Variants in NKAIN2 observed in about 807,000 individuals in gnomAD.
The protein encoded by NKAIN2 is sodium/potassium transporting ATPase interacting 2.
A neutral mutation model predicts 32.6 loss-of-function variants in NKAIN2; 14 were observed. That is an observed-to-expected ratio of 0.43 (90% CI 0.28 to 0.67). NKAIN2 has a LOEUF of 0.67. Among genes scored for constraint, NKAIN2 ranks in the 30% least tolerant of loss-of-function variants. The pLI, the probability that NKAIN2 is intolerant of heterozygous loss-of-function variation, is 0.17. For synonymous variants in NKAIN2, 80 were observed against 87.2 expected (o/e 0.92, Z 0.46); for missense variants, 198 against 258.3 (o/e 0.77, Z 1.60).
intron 3 of NKAIN2, among the ~76,000 whole-genome samples, chr6:124,453,322 A>AACACACAC (rs766482280): frequency 0.022 from 1,420 of 63,852 alleles, 84 homozygotes; most frequent in African/African-American, 0.062. Context: ...CATGCATATA[A>AACACACAC]ACACACACAC....
intron 1 of NKAIN2, among the ~76,000 whole-genome samples, chr6:124,167,486 T>C (rs1264934816): frequency 1.3e-5 from 2 of 152,204 alleles, no homozygotes. Context: ...TGACTTCCTC[T>C]TTTCCTAATT....
At chr6:124,318,104 C>T (rs1797036251) in intron 2 of NKAIN2, among the ~76,000 whole-genome samples, 1 of 151,898 alleles carries the variant, frequency 6.6e-6, no homozygotes, top group Non-Finnish European at 1.5e-5. Context: ...CTGCTAAAGC[C>T]TCATGAAATA....
chr6:124,254,782 A>G (rs187320383), intron 1 of NKAIN2, among the ~76,000 whole-genome samples: 2 of 152,332 alleles, frequency 1.3e-5, no homozygotes, highest in African/African-American at 4.8e-5. Flanking sequence ...TTAAAACTAG[A>G]TAGTAAAATG....
In NKAIN2 at chr6:124,060,586, C is replaced by T. The variant is rs191861898; in HGVS notation, c.55-222419C>T. 1.3e-3 allele frequency among the ~76,000 whole-genome samples: 205 copies of T among 152,138 alleles called. 1 individual carries two copies. The highest frequency in any genetic ancestry group is 3.4e-3 in the Middle Eastern group (1 of 294). On this transcript the variant is annotated intron_variant, in intron 1 of 6. Coordinates refer to ENST00000368417, the MANE Select transcript of NKAIN2 (RefSeq NM_001040214.3). ...CCAGAAACAGAACTGGAACACCGTT[C>T]GCCAAAATGTAAGTTATGTCTGCCA...
chr6:123,849,827 A>T lies in NKAIN2; in HGVS notation c.54+45573A>T, dbSNP rs115544336. 5.0e-3 allele frequency among the ~76,000 whole-genome samples: 759 copies of T among 152,246 alleles called. 10 individuals are homozygous for T. Among genetic ancestry groups the T allele is most frequent in the African/African-American group, 0.016 (663 of 41,548 alleles). On this transcript the variant is annotated intron_variant, in intron 1 of 6. Transcript: ENST00000368417. ...CCTAATTCTTATAATACCTTATCTA[A>T]AATATTAAAAATAATGCTTTCATAA...
intron 3 of NKAIN2, among the ~76,000 whole-genome samples, chr6:124,493,830 C>A (rs1367304810): frequency 6.6e-6 from 1 of 151,268 alleles, no homozygotes; most frequent in East Asian, 2.0e-4. Context: ...AAACCCACAA[C>A]TCATGACTGG....
At chr6:124,389,741 G>C (rs1773062872) in intron 3 of NKAIN2, among the ~76,000 whole-genome samples, 1 of 151,124 alleles carries the variant, frequency 6.6e-6, no homozygotes, top group Admixed American at 6.6e-5. Context: ...GTGTGTGTGT[G>C]TGTGTGTGTG....
intron 3 of NKAIN2, among the ~76,000 whole-genome samples, chr6:124,406,270 T>C (rs1356786898): frequency 6.6e-6 from 1 of 152,140 alleles, no homozygotes; most frequent in African/African-American, 2.4e-5. Context: ...CAACCACTAA[T>C]CTTATTTATT....
intron 1 of NKAIN2, among the ~76,000 whole-genome samples, chr6:124,183,009 G>C (rs1207261122): frequency 1.3e-5 from 2 of 152,082 alleles, no homozygotes; most frequent in East Asian, 3.9e-4. Flanking sequence ...ATTTTTGTGA[G>C]ATGAGGAATT....
At chr6:123,820,569 C>T (rs933628860) in intron 1 of NKAIN2, among the ~76,000 whole-genome samples, 4 of 152,040 alleles carry the variant, frequency 2.6e-5, no homozygotes, top group Non-Finnish European at 5.9e-5. Flanking sequence ...TGCTGACCAT[C>T]CAGATGCTTT....
At chr6:124,646,165 T>C (rs917008072) in intron 3 of NKAIN2, among the ~76,000 whole-genome samples, 1 of 152,096 alleles carries the variant, frequency 6.6e-6, no homozygotes, top group Non-Finnish European at 1.5e-5. Flanking sequence ...GCAAAAGCAA[T>C]GTAGAAAATA....
chr6:124,658,620 A>T, intron 4 of NKAIN2: 2 of 1,031,184 alleles, frequency 1.9e-6, no homozygotes, highest in Non-Finnish European at 2.8e-6. Flanking sequence ...AGCATTTTAC[A>T]TAGGAAATCC....
At chr6:123,940,302 TTG>T (rs75849088) in intron 1 of NKAIN2, among the ~76,000 whole-genome samples, 6,783 of 149,316 alleles carry the variant, frequency 0.045, 204 homozygotes, top group Non-Finnish European at 0.067. Context: ...TGTGTTTGGT[TTG>T]TGTGTGTGTG....
In NKAIN2 at chr6:124,686,057, C is replaced by A. The variant is rs903267032; in HGVS notation, c.474+27671C>A. 1.2e-4 allele frequency among the ~76,000 whole-genome samples: 19 copies of A among 152,208 alleles called. No individual in the cohort carries two copies. The East Asian group carries it at 3.7e-3, about 29-fold the overall frequency. On this transcript the variant is annotated intron_variant, in intron 4 of 6. Transcript: ENST00000368417. ...CTGAGATTGTTGGCAGAATTCAGTT[C>A]TGTGTGCATGTAGGACTGGGGGCTT...
At chr6:124,121,885 A>G in intron 1 of NKAIN2, 1 of 1,238,236 alleles carries the variant, frequency 8.1e-7, no homozygotes. Flanking sequence ...CAGGTACTGA[A>G]GATGGATGGG....
At chr6:124,516,128 A>G (rs1315976527) in intron 3 of NKAIN2, among the ~76,000 whole-genome samples, 1 of 152,200 alleles carries the variant, frequency 6.6e-6, no homozygotes, top group Non-Finnish European at 1.5e-5. Context: ...CTAGTGGAGC[A>G]AGGAATAAAC....
At chr6:124,604,691 A>G (rs926868991) in intron 3 of NKAIN2, among the ~76,000 whole-genome samples, 2 of 151,978 alleles carry the variant, frequency 1.3e-5, no homozygotes, top group Non-Finnish European at 2.9e-5. Flanking sequence ...CGTTCCCTCA[A>G]TTAAAAGGTA....
chr6:124,407,132 T>A (rs1002396914), intron 3 of NKAIN2, among the ~76,000 whole-genome samples: 2 of 152,172 alleles, frequency 1.3e-5, no homozygotes, highest in African/African-American at 2.4e-5. Context: ...AAATTTTATA[T>A]TTTCTTTTAG....
At chr6:124,197,167 C>T (rs982882025) in intron 1 of NKAIN2, among the ~76,000 whole-genome samples, 1 of 151,096 alleles carries the variant, frequency 6.6e-6, no homozygotes, top group Non-Finnish European at 1.5e-5. Context: ...CTGCTATTTC[C>T]ATCTTTTATT....
Sources: allele counts gnomAD v4.1 joint callset (sites outside exome capture counted in the v4.1 genomes callset), GRCh38; gene constraint gnomAD v4.1.1; transcripts MANE v1.5; gene names NCBI Gene and HGNC (gene_info 2026-07-23, HGNC 2026-07-21).